KLHL6: variants seen among roughly 807,000 people sequenced by gnomAD.
KLHL6 encodes kelch like family member 6.
In KLHL6, 41 loss-of-function variants were observed where a neutral mutation model predicts 58.6. That is an observed-to-expected ratio of 0.70 (90% CI 0.55 to 0.91). KLHL6 has a LOEUF of 0.91. Among genes scored for constraint, KLHL6 ranks in the 40% least tolerant of loss-of-function variants. KLHL6 has a pLI of 0.00. For missense variants in KLHL6, 714 were observed against 805.6 expected (o/e 0.89, Z 1.38); for synonymous variants, 338 against 322.7 (o/e 1.05, Z -0.51).
chr3:183,534,114 TTACTTTTAAAGTACTTTGTACTTTTAAAG>T (rs767520696), intron 1 of KLHL6, among the ~76,000 whole-genome samples: 5 of 126,298 alleles, frequency 4.0e-5, no homozygotes, highest in East Asian at 4.4e-4. Context: ...TAAAAGTACT[TTACTTTTAAAGTACTTTGTACTTTTAAAG>T]TACTTTAAAA....
At chr3:183,495,973 T>C (rs1255346255) in intron 4 of KLHL6, among the ~76,000 whole-genome samples, 1 of 152,204 alleles carries the variant, frequency 6.6e-6, no homozygotes, top group Non-Finnish European at 1.5e-5. Context: ...TAGATACTTA[T>C]TTTACATTAC....
chr3:183,520,026 T>C (rs1226394728), intron 2 of KLHL6, among the ~76,000 whole-genome samples: 1 of 151,020 alleles, frequency 6.6e-6, no homozygotes, highest in Non-Finnish European at 1.5e-5. Flanking sequence ...AAGAACAATA[T>C]GAAATTCAAA....
At chr3:183,526,073 C>T (rs1235611099) in intron 2 of KLHL6, among the ~76,000 whole-genome samples, 6 of 151,812 alleles carry the variant, frequency 4.0e-5, no homozygotes, top group East Asian at 1.9e-4. Context: ...TTTGGGAGGC[C>T]GAGGCGGGCG....
rs539024606 is a variant in KLHL6, at chr3:183,547,783, A to G, written c.293+7578T>C. On this transcript the variant is annotated intron_variant, in intron 1 of 6. Transcript: ENST00000341319. The stretch of plus-strand genomic sequence containing the variant: ...ATATCAAGTAGATAGCATGGTGTCC[A>G]TTTCATCCTTGGGGGAGCTCACTTT... Among the ~76,000 whole-genome samples the G allele has an allele frequency of 3.3e-5, 5 of 152,228 alleles. No homozygotes were observed. The East Asian group carries it at 9.7e-4, about 29-fold the overall frequency.
chr3:183,505,295 G>A (rs1479189215), intron 3 of KLHL6, among the ~76,000 whole-genome samples: 1 of 152,228 alleles, frequency 6.6e-6, no homozygotes, highest in Admixed American at 6.5e-5. Flanking sequence ...TGTTTTTGCA[G>A]TACCTGGTGC....
chr3:183,549,121 C>A (rs1335714848), intron 1 of KLHL6, among the ~76,000 whole-genome samples: 1 of 148,370 alleles, frequency 6.7e-6, no homozygotes, highest in African/African-American at 2.6e-5. Flanking sequence ...ATGTAACAAA[C>A]CCGCGCATTC....
intron 1 of KLHL6, among the ~76,000 whole-genome samples, chr3:183,542,439 C>T (rs1340224676): frequency 6.6e-6 from 1 of 152,162 alleles, no homozygotes; most frequent in African/African-American, 2.4e-5. Context: ...CTGCGTGGCA[C>T]CTTCCCGGAT....
intron 4 of KLHL6, among the ~76,000 whole-genome samples, chr3:183,496,407 C>A (rs865882572): frequency 6.6e-6 from 1 of 152,132 alleles, no homozygotes; most frequent in African/African-American, 2.4e-5. Flanking sequence ...TAAATTGGTA[C>A]AACTTTTCTG....
intron 2 of KLHL6, among the ~76,000 whole-genome samples, chr3:183,524,785 C>T (rs1339116130): frequency 6.6e-6 from 1 of 152,206 alleles, no homozygotes; most frequent in East Asian, 1.9e-4. Context: ...GGGCGGGGAG[C>T]ACTGAGATAA....
intron 2 of KLHL6, among the ~76,000 whole-genome samples, chr3:183,510,874 A>AAAAT (rs55944280): frequency 0.015 from 2,291 of 148,254 alleles, 61 homozygotes; most frequent in African/African-American, 0.049. Context: ...ACTCCATCTC[A>AAAAT]AAATAAATAA....
chr3:183,514,007 G>T (rs564498995), intron 2 of KLHL6, among the ~76,000 whole-genome samples: 17 of 152,262 alleles, frequency 1.1e-4, no homozygotes, highest in Non-Finnish European at 2.4e-4. Flanking sequence ...TGCTGAGAAT[G>T]ATGGCTTCCA....
At chr3:183,546,400 G>A (rs2108697110) in intron 1 of KLHL6, among the ~76,000 whole-genome samples, 1 of 152,362 alleles carries the variant, frequency 6.6e-6, no homozygotes, top group Non-Finnish European at 1.5e-5. Flanking sequence ...GGCAGGACAA[G>A]CAGCAGCAGC....
Position 183,508,523 on chromosome 3 carries a change from A to G in KLHL6, c.460-15T>C, listed in dbSNP as rs758206238. ...ATCCGCAGGAACTGATGAAATAGAA[A>G]GGGTGGAAAGGAGGCCAGAAAATGG... On this transcript the variant is annotated splice_polypyrimidine_tract_variant and intron_variant, in intron 2 of 6. Coordinates refer to ENST00000341319, the MANE Select transcript of KLHL6 (RefSeq NM_130446.4). The G allele has an allele frequency of 4.8e-5, 77 of 1,603,494 alleles. No homozygotes were observed. The highest frequency in any genetic ancestry group is 6.2e-5 in the Non-Finnish European group (73 of 1,174,586).
chr3:183,529,212 T>C (rs1464936286), intron 1 of KLHL6, among the ~76,000 whole-genome samples: 1 of 152,156 alleles, frequency 6.6e-6, no homozygotes, highest in African/African-American at 2.4e-5. Flanking sequence ...GGCTTAACAC[T>C]TGGGTGATTA....
Position 183,544,163 on chromosome 3 carries a change from CAAAAA to C in KLHL6, c.293+11193_293+11197del, listed in dbSNP as rs56357226. 1.2e-4 allele frequency among the ~76,000 whole-genome samples: 7 copies of C among 56,998 alleles called. No individual in the cohort carries two copies. The East Asian group carries it at 4.1e-3, about 34-fold the overall frequency. The allele number at this position is 56,998 out of a possible 152,430, so 37.4% of individuals were successfully genotyped here. A position where few individuals can be genotyped will look rare whatever the true frequency, so the allele number is the denominator to read the frequency against. ...GGGCGACAAGAGCGAAACTCAGTCT[CAAAAA>C]AAAAAAAAAAAAAAAAAAAGCCATA... is the stretch of plus-strand genomic sequence containing the variant. On this transcript the variant is annotated intron_variant, in intron 1 of 6. Transcript: ENST00000341319.
intron 4 of KLHL6, among the ~76,000 whole-genome samples, chr3:183,494,820 A>G (rs962782025): frequency 6.6e-5 from 10 of 152,380 alleles, no homozygotes; most frequent in Non-Finnish European, 1.0e-4. Context: ...TGTTTAAAAC[A>G]ATCAGTGGGA....
chr3:183,555,404 A>G lies in KLHL6; in HGVS notation c.250T>C (p.Ser84Pro). The change falls in exon 1 of 7, where the codon TCC becomes CCC. Residue 84 changes from serine (S) to proline (P), a missense_variant. Around this residue, in one of 2 missense-constraint regions of KLHL6, gnomAD observed 204 missense variants for 175.9 expected, o/e 1.16. Coordinates refer to ENST00000341319, the MANE Select transcript of KLHL6 (RefSeq NM_130446.4). ...GCGGCAAGCACCACGCGGTGGCAGG[A>G]GAATTCCTGAATGTCCACACACAAG... Reference protein sequence around the residue: ...VILCVDIQEFSCHRVVLAAAS... With the variant: ...VILCVDIQEFPCHRVVLAAAS... 1 of 1,614,188 alleles carries G rather than the reference A, an allele frequency of 6.2e-7. No individual in the cohort carries two copies. Among genetic ancestry groups the G allele is most frequent in the African/African-American group, 1.3e-5 (1 of 75,050 alleles).
chr3:183,554,465 C>A (rs755423573), intron 1 of KLHL6, among the ~76,000 whole-genome samples: 8 of 152,138 alleles, frequency 5.3e-5, no homozygotes, highest in East Asian at 1.9e-4. Flanking sequence ...TTGTGACTTG[C>A]CTAAAGTTTC....
intron 2 of KLHL6, among the ~76,000 whole-genome samples, chr3:183,516,721 G>T (rs1034588363): frequency 3.3e-5 from 5 of 152,212 alleles, no homozygotes; most frequent in African/African-American, 1.2e-4. Context: ...CAGAATCACT[G>T]AAGTCCTATT....
Sources: allele counts gnomAD v4.1 joint callset (sites outside exome capture counted in the v4.1 genomes callset), GRCh38; gene constraint gnomAD v4.1.1; regional missense constraint gnomAD v4.1.1; transcripts MANE v1.5; gene names NCBI Gene and HGNC (gene_info 2026-07-23, HGNC 2026-07-21).